TMC1: variants seen among roughly 807,000 people sequenced by gnomAD.
TMC1 encodes transmembrane channel like 1.
Under a neutral mutation model 105.8 loss-of-function variants are expected in TMC1, and 84 were observed. The ratio of observed to expected loss-of-function variants is 0.79; its 90% CI spans 0.67 to 0.95. The LOEUF is 0.95. Ranked by LOEUF, TMC1 falls within the 40% of genes least tolerant of loss-of-function variation. TMC1 has a pLI of 0.00. For missense variants in TMC1, 817 were observed against 914.1 expected, an observed-to-expected ratio of 0.89 and a Z score of 1.37; for synonymous variants, 315 against 311.5, an observed-to-expected ratio of 1.01 and a Z score of -0.12.
intron 3 of TMC1, among the ~76,000 whole-genome samples, chr9:72,626,821 G>T (rs2132132034): frequency 6.6e-6 from 1 of 152,250 alleles, no homozygotes; most frequent in South Asian, 2.1e-4. Context: ...CCAAATCTGT[G>T]CTGTTTGCCA....
At chr9:72,723,509 A>G (rs902427990) in intron 8 of TMC1, among the ~76,000 whole-genome samples, 1 of 152,240 alleles carries the variant, frequency 6.6e-6, no homozygotes, top group Non-Finnish European at 1.5e-5. Flanking sequence ...CTATTAAACA[A>G]GAACAATGTC....
chr9:72,682,490 A>G (rs1826304657), intron 5 of TMC1, among the ~76,000 whole-genome samples: 5 of 152,224 alleles, frequency 3.3e-5, no homozygotes, highest in Admixed American at 3.3e-4. Context: ...GTTTAATTCT[A>G]TCATTTGAAG....
intron 1 of TMC1, among the ~76,000 whole-genome samples, chr9:72,536,478 A>G (rs988696804): frequency 4.6e-5 from 7 of 152,076 alleles, no homozygotes; most frequent in African/African-American, 7.2e-5. Context: ...GACTACAGGC[A>G]GCTGCCACCA....
chr9:72,645,452 G>A (rs1489331562), intron 4 of TMC1, among the ~76,000 whole-genome samples: 1 of 152,146 alleles, frequency 6.6e-6, no homozygotes, highest in African/African-American at 2.4e-5. Context: ...GCTACCAAGA[G>A]GTGGAAGTGG....
At chr9:72,554,812 G>T (rs1823904920) in intron 1 of TMC1, among the ~76,000 whole-genome samples, 1 of 152,150 alleles carries the variant, frequency 6.6e-6, no homozygotes, top group Admixed American at 6.5e-5. Context: ...AGAGAGTAAA[G>T]AATGTAGAAA....
intron 13 of TMC1, among the ~76,000 whole-genome samples, chr9:72,784,816 T>C (rs1030103175): frequency 6.6e-6 from 1 of 152,226 alleles, no homozygotes; most frequent in Non-Finnish European, 1.5e-5. Context: ...GAGGCCATTA[T>C]CCTAAGTGAA....
chr9:72,825,992 T>C (rs1828946898), intron 20 of TMC1, among the ~76,000 whole-genome samples: 1 of 152,182 alleles, frequency 6.6e-6, no homozygotes, highest in African/African-American at 2.4e-5. Flanking sequence ...TATTTAGTAG[T>C]TGAAAATGCT....
intron 7 of TMC1, among the ~76,000 whole-genome samples, chr9:72,695,741 CA>C (rs1380397729): frequency 6.6e-6 from 1 of 152,058 alleles, no homozygotes; most frequent in Non-Finnish European, 1.5e-5. Flanking sequence ...TTAGCATTAA[CA>C]AAAAATGGTT....
chr9:72,749,289 G>T lies in TMC1; in HGVS notation c.536-2561G>T, dbSNP rs547437959. On this transcript the variant is annotated intron_variant, in intron 10 of 23. Coordinates refer to ENST00000297784, the MANE Select transcript of TMC1 (RefSeq NM_138691.3). Reference sequence around the variant, plus strand: ...TGGTGGGTTAGTATCCTATATGCGGGATTTCATACTGGAAGATCTTACATG... The same window carrying T: ...TGGTGGGTTAGTATCCTATATGCGGTATTTCATACTGGAAGATCTTACATG... Among the ~76,000 whole-genome samples, 3 of 152,282 alleles carry T rather than the reference G, an allele frequency of 2.0e-5. 1 individual carries two copies. The South Asian group carries it at 6.2e-4, about 32-fold the overall frequency.
At chr9:72,532,541 C>CAAAAAAAAAA (rs59010604) in intron 1 of TMC1, among the ~76,000 whole-genome samples, 1 of 75,524 alleles carries the variant, frequency 1.3e-5, no homozygotes, top group Non-Finnish European at 2.6e-5. Context: ...GACTCCGTCT[C>CAAAAAAAAAA]AAAAAAAAAA....
chr9:72,602,790 C>T (rs1308825942), intron 2 of TMC1, among the ~76,000 whole-genome samples: 1 of 152,118 alleles, frequency 6.6e-6, no homozygotes. Context: ...GAGATGAATG[C>T]TGTTCTTTGA....
intron 20 of TMC1, among the ~76,000 whole-genome samples, chr9:72,822,172 C>T (rs963911510): frequency 1.3e-5 from 2 of 152,138 alleles, no homozygotes; most frequent in Non-Finnish European, 2.9e-5. Context: ...CAAGTTCTCC[C>T]AAGAATCTCT....
chr9:72,821,474 C>A (rs141205859), intron 20 of TMC1, among the ~76,000 whole-genome samples: 1,497 of 148,810 alleles, frequency 0.01, 23 homozygotes, highest in African/African-American at 0.035. Flanking sequence ...TGCACTCCAG[C>A]CTGGAGGACA....
intron 8 of TMC1, among the ~76,000 whole-genome samples, chr9:72,728,965 G>T (rs1198402649): frequency 1.3e-5 from 2 of 152,036 alleles, no homozygotes; most frequent in South Asian, 2.1e-4. Context: ...ATGCTGGCAT[G>T]ACCTCTAGGG....
At chr9:72,785,167 C>T (rs1048501612) in intron 13 of TMC1, among the ~76,000 whole-genome samples, 2 of 152,158 alleles carry the variant, frequency 1.3e-5, no homozygotes, top group African/African-American at 4.8e-5. Context: ...GTAGCACCCT[C>T]TTGTCTTCAG....
rs569241246 is a variant in TMC1, at chr9:72,682,146, T to C, written c.17-6563T>C. ...ATAACTATTTAGTATCTCCAAGATATTATAATGTTTGAAAATATGACCAGT... is the reference window on the plus strand; with the variant it reads ...ATAACTATTTAGTATCTCCAAGATACTATAATGTTTGAAAATATGACCAGT... On this transcript the variant is annotated intron_variant, in intron 5 of 23. Coordinates refer to ENST00000297784, the MANE Select transcript of TMC1 (RefSeq NM_138691.3). Among the ~76,000 whole-genome samples, 75 of 152,296 alleles carry C rather than the reference T, an allele frequency of 4.9e-4. 2 individuals are homozygous for C. The South Asian group carries it at 0.015, about 31-fold the overall frequency.
chr9:72,731,438 A>G (rs2487466), intron 8 of TMC1, among the ~76,000 whole-genome samples: 34,389 of 152,086 alleles, frequency 0.23, 4,174 homozygotes, highest in East Asian at 0.39. Flanking sequence ...GAAGATAAAG[A>G]AAAGGAAGAA....
At chr9:72,710,088 A>T (rs1389645686) in intron 8 of TMC1, among the ~76,000 whole-genome samples, 1 of 152,066 alleles carries the variant, frequency 6.6e-6, no homozygotes, top group African/African-American at 2.4e-5. Flanking sequence ...TTTCATTTCC[A>T]TCTTGATTTC....
intron 12 of TMC1, among the ~76,000 whole-genome samples, chr9:72,755,923 C>G (rs1827670451): frequency 6.6e-6 from 1 of 152,170 alleles, no homozygotes. Context: ...AGTCCTCATC[C>G]ACTACAGGCT....
Sources: allele counts gnomAD v4.1 joint callset (sites outside exome capture counted in the v4.1 genomes callset), GRCh38; gene constraint gnomAD v4.1.1; transcripts MANE v1.5; gene names NCBI Gene and HGNC (gene_info 2026-07-23, HGNC 2026-07-21).